BRINP1: variants seen among roughly 807,000 people sequenced by gnomAD.
BRINP1 encodes the protein BMP/retinoic acid inducible neural specific 1.
Under a neutral mutation model 72.9 loss-of-function variants are expected in BRINP1, and 17 were observed. The observed-to-expected ratio is 0.23, with a 90% CI of 0.16 to 0.35. The LOEUF is 0.35. Ranked by LOEUF, BRINP1 falls within the 10% of genes least tolerant of loss-of-function variation. The probability of loss-of-function intolerance (pLI) is 1.00; values close to 1 mark genes in which losing one functional copy is unlikely to be tolerated. For synonymous variants in BRINP1, 418 were observed against 378.5 expected (o/e 1.10, Z -1.21); for missense variants, 850 against 1,001.6 (o/e 0.85, Z 2.04).
chr9:119,359,479 G>T (rs1050722643), intron 1 of BRINP1, among the ~76,000 whole-genome samples: 2 of 152,216 alleles, frequency 1.3e-5, no homozygotes, highest in Non-Finnish European at 2.9e-5. Context: ...TGGGATTGCA[G>T]GTGTGAGCCA....
At chr9:119,213,676 A>G in intron 6 of BRINP1, 1 of 593,190 alleles carries the variant, frequency 1.7e-6, no homozygotes, top group South Asian at 2.1e-5. Flanking sequence ...TCTTCTGGGT[A>G]CGACAGAAAC....
chr9:119,301,022 A>G (rs1270931421), intron 2 of BRINP1, among the ~76,000 whole-genome samples: 1 of 152,240 alleles, frequency 6.6e-6, no homozygotes, highest in Admixed American at 6.5e-5. Context: ...TATCATTGGT[A>G]ACCTGATAAC....
chr9:119,357,894 T>C (rs1225316964), intron 1 of BRINP1, among the ~76,000 whole-genome samples: 2 of 152,168 alleles, frequency 1.3e-5, no homozygotes, highest in South Asian at 4.1e-4. Context: ...ACCAAGCTGC[T>C]AATCCACAAT....
At chr9:119,345,175 T>C (rs1235595737) in intron 1 of BRINP1, among the ~76,000 whole-genome samples, 4 of 152,178 alleles carry the variant, frequency 2.6e-5, no homozygotes, top group African/African-American at 4.8e-5. Context: ...ACTTTCCAGA[T>C]TGATCCTGTC....
intron 1 of BRINP1, among the ~76,000 whole-genome samples, chr9:119,355,175 A>C (rs1174769823): frequency 6.6e-6 from 1 of 152,248 alleles, no homozygotes; most frequent in Non-Finnish European, 1.5e-5. Context: ...AATGAAATTC[A>C]CTACAACCCG....
chr9:119,286,472 G>A (rs568861336), intron 2 of BRINP1, among the ~76,000 whole-genome samples: 4 of 152,156 alleles, frequency 2.6e-5, no homozygotes, highest in Non-Finnish European at 5.9e-5. Flanking sequence ...CTGACCTTGC[G>A]ATCCGCCCAC....
At chr9:119,283,666 G>A (rs1830733869) in intron 2 of BRINP1, among the ~76,000 whole-genome samples, 1 of 152,170 alleles carries the variant, frequency 6.6e-6, no homozygotes, top group South Asian at 2.1e-4. Flanking sequence ...CTGAGTAGCT[G>A]GGATTACAGG....
chr9:119,304,650 G>A (rs1830975950), intron 2 of BRINP1, among the ~76,000 whole-genome samples: 1 of 152,236 alleles, frequency 6.6e-6, no homozygotes, highest in Non-Finnish European at 1.5e-5. Flanking sequence ...ATAAAAGAAT[G>A]CATCCTGCCA....
At chr9:119,308,648 C>T (rs1352391681) in intron 2 of BRINP1, among the ~76,000 whole-genome samples, 4 of 152,178 alleles carry the variant, frequency 2.6e-5, no homozygotes, top group Non-Finnish European at 5.9e-5. Context: ...CAGAGGAGGG[C>T]TGAGATCTAT....
intron 7 of BRINP1, among the ~76,000 whole-genome samples, chr9:119,177,131 A>G (rs964060235): frequency 6.6e-6 from 1 of 152,362 alleles, no homozygotes; most frequent in Middle Eastern, 3.4e-3. Flanking sequence ...GAATGAATGC[A>G]TAAAGAATAT....
At chr9:119,345,347 C>A (rs551770919) in intron 1 of BRINP1, among the ~76,000 whole-genome samples, 1 of 152,220 alleles carries the variant, frequency 6.6e-6, no homozygotes, top group South Asian at 2.1e-4. Context: ...AAAAAAAATT[C>A]TATTTCTGGA....
intron 1 of BRINP1, among the ~76,000 whole-genome samples, chr9:119,342,653 G>A (rs1402887978): frequency 6.6e-6 from 1 of 152,170 alleles, no homozygotes; most frequent in African/African-American, 2.4e-5. Context: ...CCTGGTCTTG[G>A]ATATATAAGA....
intron 2 of BRINP1, among the ~76,000 whole-genome samples, chr9:119,275,759 T>C (rs1830650424): frequency 6.6e-6 from 1 of 152,216 alleles, no homozygotes; most frequent in African/African-American, 2.4e-5. Flanking sequence ...CTGGTAGCTA[T>C]TATCTTCAAG....
chr9:119,213,462 C>T (rs1316841499), intron 6 of BRINP1, among the ~76,000 whole-genome samples: 4 of 152,182 alleles, frequency 2.6e-5, no homozygotes, highest in African/African-American at 7.2e-5. Context: ...CTTTGGATAT[C>T]TATATCTCTA....
intron 5 of BRINP1, among the ~76,000 whole-genome samples, chr9:119,219,575 G>A (rs867235163): frequency 6.6e-6 from 1 of 151,342 alleles, no homozygotes; most frequent in Non-Finnish European, 1.5e-5. Flanking sequence ...CTATGTGCCA[G>A]GCAGCTGTGC....
chr9:119,241,004 C>A (rs373850604), intron 4 of BRINP1, among the ~76,000 whole-genome samples: 6 of 152,192 alleles, frequency 3.9e-5, no homozygotes, highest in Non-Finnish European at 7.3e-5. Context: ...CATTTTATGT[C>A]GAGGATGTCC....
intron 7 of BRINP1, among the ~76,000 whole-genome samples, chr9:119,170,065 G>T (rs1357374530): frequency 1.3e-5 from 2 of 152,164 alleles, no homozygotes; most frequent in Non-Finnish European, 2.9e-5. Context: ...ACTCTAAAAA[G>T]CAGAGCGCCT....
At chr9:119,362,698 T>C (rs1387310030) in intron 1 of BRINP1, among the ~76,000 whole-genome samples, 2 of 152,226 alleles carry the variant, frequency 1.3e-5, no homozygotes, top group Non-Finnish European at 2.9e-5. Context: ...TCCTTTTCTA[T>C]CCATTTCCCC....
chr9:119,362,113 T>C (rs934111524), intron 1 of BRINP1, among the ~76,000 whole-genome samples: 3 of 121,254 alleles, frequency 2.5e-5, no homozygotes, highest in Admixed American at 1.2e-4. Flanking sequence ...CCACCATGCC[T>C]GACTGCAACA....
Sources: allele counts gnomAD v4.1 joint callset (sites outside exome capture counted in the v4.1 genomes callset), GRCh38; gene constraint gnomAD v4.1.1; transcripts MANE v1.5; gene names NCBI Gene and HGNC (gene_info 2026-07-23, HGNC 2026-07-21).